The following UROS variants were observed in gnomAD, a reference collection of about 807,000 sequenced individuals.
UROS encodes uroporphyrinogen III synthase, also known as uroporphyrinogen-III synthase.
A neutral mutation model predicts 33.0 loss-of-function variants in UROS; 18 were observed. That is an observed-to-expected ratio of 0.55 (90% CI 0.38 to 0.81). UROS has a LOEUF of 0.81. Among genes scored for constraint, UROS ranks in the 30% least tolerant of loss-of-function variants. The pLI is 0.00. For synonymous variants in UROS, 114 were observed against 121.1 expected (o/e 0.94, Z 0.38); for missense variants, 293 against 314.9 (o/e 0.93, Z 0.53).
intron 6 of UROS, among the ~76,000 whole-genome samples, chr10:125,799,021 A>G (rs1048069883): frequency 1.3e-5 from 2 of 152,238 alleles, no homozygotes; most frequent in African/African-American, 2.4e-5. Context: ...TACACATTGT[A>G]TATTTTCTCA....
Position 125,794,959 on chromosome 10 carries a change from G to A in UROS, c.581C>T (p.Thr194Ile). The change falls in exon 9 of 10, where the codon ACA becomes ATA. Residue 194 changes from threonine to isoleucine, a missense_variant. By Grantham distance (89) the Thr-to-Ile change is moderately conservative (BLOSUM62 -1). Transcript: ENST00000368797. ...TGTGAGGCCAGAGGGACTAAAAAAT[G>A]TGATGCTGGCTGGAACCCCCTGTGG... ...YSQQGVPASI[T>I]FFSPSGLTYS... 1 of 1,614,184 alleles carries A rather than the reference G, an allele frequency of 6.2e-7. No homozygotes were observed.
chr10:125,789,036 A>C lies in UROS; in HGVS notation c.661-31T>G, dbSNP rs750180293. ...AAGACAGAAGAGAAAACAGGGCTTC[A>C]GCACACCAGGAGGGGCTGGGGCAGC... On this transcript the variant is annotated intron_variant, in intron 9 of 9. Transcript: ENST00000368797. 1.3e-5 allele frequency: 21 copies of C among 1,611,828 alleles called. No homozygotes were observed. Among genetic ancestry groups the C allele is most frequent in the Admixed American group, 1.7e-5 (1 of 59,994 alleles).
chr10:125,789,133 A>C, intron 9 of UROS, 128 bp from the exon 10 acceptor site: 2 of 1,450,000 alleles, frequency 1.4e-6, no homozygotes, highest in Non-Finnish European at 1.9e-6. Context: ...TGACGTGTTT[A>C]TAAAAATGAC....
At position 125,823,202 on chromosome 10, in the gene UROS, C is replaced by G; in HGVS notation, c.-200G>C. On this transcript the variant is annotated 5_prime_UTR_variant, in exon 1 of 10. Transcript: ENST00000368797. ...CCACCCGCGCCGGGCCCCAGGACCC[C>G]GCACCTCAGACTGGGGTCGCGTGGG... The G allele has an allele frequency of 5.1e-6, 1 of 194,740 alleles. No individual in the cohort carries two copies. Among genetic ancestry groups the G allele is most frequent in the South Asian group, 1.3e-4 (1 of 7,782 alleles). 12.1% of individuals were successfully genotyped at this position (194,740 alleles called of 1,614,324 possible).
intron 7 of UROS, among the ~76,000 whole-genome samples, chr10:125,797,151 T>C (rs1194428771): frequency 6.6e-6 from 1 of 152,156 alleles, no homozygotes; most frequent in African/African-American, 2.4e-5. Context: ...AGGGATACGA[T>C]CTAGCTCCAT....
Position 125,823,250 on chromosome 10 carries a change from C to T in UROS, c.-248G>A. ...GGGTGGCTGCGCGCAGCTAGGCGCT[C>T]GCGCATGCGCACCGCCATCCAGGCC... is the stretch of plus-strand genomic sequence containing the variant. On this transcript the variant is annotated 5_prime_UTR_variant, in exon 1 of 10. Transcript: ENST00000368797. The T allele has an allele frequency of 3.6e-6, 1 of 276,454 alleles. No individual in the cohort carries two copies. The highest frequency in any genetic ancestry group is 6.8e-6 in the Non-Finnish European group (1 of 146,278). 17.1% of individuals were successfully genotyped at this position (276,454 alleles called of 1,614,324 possible).
intron 7 of UROS, among the ~76,000 whole-genome samples, chr10:125,797,773 A>T (rs372043935): frequency 5.8e-5 from 3 of 51,524 alleles, no homozygotes; most frequent in East Asian, 3.9e-4. Context: ...TTATCTGCCC[A>T]GGGGCCACCT....
chr10:125,805,274 G>A (rs972511630), intron 6 of UROS, among the ~76,000 whole-genome samples: 3 of 152,200 alleles, frequency 2.0e-5, no homozygotes, highest in African/African-American at 7.2e-5. Context: ...GCACACTTAC[G>A]TCTTCATCCC....
chr10:125,816,169 G>C lies in UROS; in HGVS notation c.147+8C>G. 6.2e-7 allele frequency: 1 copy of C among 1,613,518 alleles called. No homozygotes were observed. Among genetic ancestry groups the C allele is most frequent in the Non-Finnish European group, 8.5e-7 (1 of 1,179,438 alleles). On this transcript the variant is annotated splice_region_variant and intron_variant, in intron 3 of 9. Transcript: ENST00000368797. ...ACTAACATGGTGCTCAGTCACAACA[G>C]GCCTTACCTTCTCAGAGAAACTGGG... is the stretch of plus-strand genomic sequence containing the variant.
intron 6 of UROS, among the ~76,000 whole-genome samples, chr10:125,804,797 C>A (rs1430875742): frequency 6.6e-6 from 1 of 152,188 alleles, no homozygotes; most frequent in East Asian, 1.9e-4. Flanking sequence ...ACTGTTCATA[C>A]CTCTTCTGGT....
intron 9 of UROS, chr10:125,792,998 T>C (rs1285045864): frequency 1.3e-5 from 2 of 152,226 alleles, no homozygotes. Context: ...TGTTAACTAC[T>C]GGCAGGCAGG....
intron 4 of UROS, among the ~76,000 whole-genome samples, chr10:125,814,726 A>AT (rs969925779): frequency 2.0e-5 from 3 of 152,014 alleles, no homozygotes; most frequent in Non-Finnish European, 4.4e-5. Context: ...TCATAGTTAG[A>AT]TTTTTTCATC....
rs138236973 is a variant in UROS, at chr10:125,823,185, G to A, written c.-183C>T. 8.8e-4 allele frequency: 158 copies of A among 179,030 alleles called. No individual in the cohort carries two copies. The highest frequency in any genetic ancestry group is 3.4e-3 in the African/African-American group (146 of 42,498). The allele number at this position is 179,030 out of a possible 1,614,324, so 11.1% of individuals were successfully genotyped here. ...CCGAGGGGCCGCGGCGGCCACCCGC[G>A]CCGGGCCCCAGGACCCCGCACCTCA... On this transcript the variant is annotated 5_prime_UTR_variant, in exon 1 of 10. Transcript: ENST00000368797.
At chr10:125,815,507 C>A (rs1054916325) in intron 3 of UROS, among the ~76,000 whole-genome samples, 2 of 152,140 alleles carry the variant, frequency 1.3e-5, no homozygotes, top group South Asian at 4.1e-4. Context: ...TGGGAATATT[C>A]AGGGGGTGAT....
chr10:125,816,194 G>A lies in UROS; in HGVS notation c.130C>T (p.Pro44Ser), dbSNP rs548685819. 4 of 1,614,190 alleles carry A rather than the reference G, an allele frequency of 2.5e-6. No individual in the cohort carries two copies. The African/African-American group carries it at 4.0e-5, about 16-fold the overall frequency. The change falls in exon 3 of 10, where the codon CCC becomes TCC. Residue 44 changes from proline (P) to serine (S), a missense_variant. Physicochemically the swap from Pro to Ser is moderately conservative, Grantham distance 74 (BLOSUM62 -1). Coordinates refer to ENST00000368797, the MANE Select transcript of UROS (RefSeq NM_000375.3). ...GGCCTTACCTTCTCAGAGAAACTGG[G>A]AAGAGACAAAAACTCAAACGATAAA... ...PVLSFEFLSL[P>S]SFSEKLSHPE... is the part of the protein sequence containing the mutation.
At chr10:125,809,328 T>C (rs1402909069) in intron 5 of UROS, among the ~76,000 whole-genome samples, 2 of 152,270 alleles carry the variant, frequency 1.3e-5, no homozygotes, top group African/African-American at 4.8e-5. Flanking sequence ...GGCAGCCAAA[T>C]GGAAGGCTTT....
chr10:125,794,184 A>T (rs1234858188), intron 9 of UROS: 1 of 211,456 alleles, frequency 4.7e-6, no homozygotes, highest in Non-Finnish European at 8.2e-6. Flanking sequence ...ACCTACAGAC[A>T]GGCCATATGA....
At chr10:125,791,814 G>A (rs1404064956) in intron 9 of UROS, 2 of 152,210 alleles carry the variant, frequency 1.3e-5, no homozygotes, top group Non-Finnish European at 2.9e-5. Flanking sequence ...AGGAGTGGGA[G>A]GAATGAGGGA....
At chr10:125,800,438 T>C (rs1851746128) in intron 6 of UROS, among the ~76,000 whole-genome samples, 1 of 152,214 alleles carries the variant, frequency 6.6e-6, no homozygotes, top group South Asian at 2.1e-4. Flanking sequence ...TCACTAGGAT[T>C]CGCACCTTAC....
Sources: gnomAD v4.1 joint callset for allele counts (sites outside exome capture counted in the v4.1 genomes callset) on GRCh38, gnomAD v4.1.1 for gene constraint, MANE v1.5 for transcripts, NCBI Gene and HGNC (gene_info 2026-07-23, HGNC 2026-07-21) for gene names.